Variants in PTPN2 observed in about 807,000 individuals in gnomAD.
The protein encoded by PTPN2 is tyrosine-protein phosphatase non-receptor type 2.
Under a neutral mutation model 57.3 loss-of-function variants are expected in PTPN2, and 19 were observed. That is an observed-to-expected ratio of 0.33 (90% CI 0.23 to 0.49). The LOEUF is 0.49. PTPN2 is among the 20% of genes least tolerant of loss of function. The pLI is 0.99. For synonymous variants in PTPN2, 153 were observed against 164.9 expected (o/e 0.93, Z 0.55); for missense variants, 358 against 501.1 (o/e 0.71, Z 2.73).
At chr18:12,878,928 G>T (rs2044581101) in intron 1 of PTPN2, among the ~76,000 whole-genome samples, 1 of 152,132 alleles carries the variant, frequency 6.6e-6, no homozygotes, top group African/African-American at 2.4e-5. Context: ...CCATAACATA[G>T]CTTTTGCGAT....
In PTPN2 at chr18:12,817,403, T is replaced by C. The variant is rs187636860; in HGVS notation, c.496-38A>G. The C allele has an allele frequency of 9.8e-6, 15 of 1,525,026 alleles. No individual in the cohort carries two copies. The African/African-American group carries it at 1.8e-4, about 18-fold the overall frequency. 94.5% of individuals were successfully genotyped at this position (1,525,026 alleles called of 1,614,324 possible). ...AATCAAGGGAGAAGTTAGTTCTAAC[T>C]TTTTTCTTTTAAAAAACTACTTCAG... On this transcript the variant is annotated intron_variant, in intron 5 of 8. Transcript: ENST00000309660.
intron 7 of PTPN2, among the ~76,000 whole-genome samples, chr18:12,808,292 T>C (rs934440122): frequency 1.3e-5 from 2 of 149,124 alleles, no homozygotes; most frequent in Non-Finnish European, 3.0e-5. Flanking sequence ...TACTATGAAA[T>C]ATATTAGCAC....
At chr18:12,832,858 G>A (rs1429587852) in intron 3 of PTPN2, among the ~76,000 whole-genome samples, 2 of 152,198 alleles carry the variant, frequency 1.3e-5, no homozygotes, top group Non-Finnish European at 2.9e-5. Context: ...CACGACCTCG[G>A]CTCACTGCAA....
chr18:12,795,952 T>TTC (rs60566471), intron 8 of PTPN2, among the ~76,000 whole-genome samples: 125 of 150,006 alleles, frequency 8.3e-4, no homozygotes, highest in African/African-American at 3.0e-3. Flanking sequence ...TTTTTTTTTT[T>TTC]CGTTACCGGG....
intron 2 of PTPN2, among the ~76,000 whole-genome samples, chr18:12,842,454 GA>G (rs1423493925): frequency 6.6e-6 from 1 of 152,312 alleles, no homozygotes; most frequent in East Asian, 1.9e-4. Flanking sequence ...GCGCTGGGGA[GA>G]GGGGCAGGTT....
intron 2 of PTPN2, among the ~76,000 whole-genome samples, chr18:12,847,086 A>G (rs1375174227): frequency 6.6e-6 from 1 of 152,200 alleles, no homozygotes; most frequent in African/African-American, 2.4e-5. Context: ...GGAATTCACA[A>G]TGTAATAGGA....
intron 1 of PTPN2, among the ~76,000 whole-genome samples, chr18:12,879,093 C>T (rs749546146): frequency 1.4e-4 from 22 of 152,178 alleles, no homozygotes; most frequent in Non-Finnish European, 2.4e-4. Context: ...CAGAATTAAC[C>T]TCACACAATC....
intron 1 of PTPN2, chr18:12,863,456 T>TAAAAA (rs569266426): frequency 7.2e-6 from 1 of 138,490 alleles, no homozygotes; most frequent in Non-Finnish European, 1.5e-5. Flanking sequence ...AAGGCCCTGT[T>TAAAAA]AAAAAAAAAA....
Position 12,830,936 on chromosome 18 carries a change from TACTC to T in PTPN2, c.360+3_360+6del. 6.4e-7 allele frequency: 1 copy of T among 1,560,564 alleles called. No individual in the cohort carries two copies. Among genetic ancestry groups the T allele is most frequent in the Non-Finnish European group, 8.8e-7 (1 of 1,132,736 alleles). Reference sequence around the variant, plus strand: ...ATACTAAGTTGTAAATATTAAATATTACTCACCGATTCTTTCTCCACAATGCGGT... The same window carrying T: ...ATACTAAGTTGTAAATATTAAATATTACCGATTCTTTCTCCACAATGCGGT... On this transcript the variant is annotated splice_donor_5th_base_variant and intron_variant, in intron 4 of 8. Transcript: ENST00000309660.
At chr18:12,818,770 C>G (rs924334427) in intron 5 of PTPN2, among the ~76,000 whole-genome samples, 1 of 151,612 alleles carries the variant, frequency 6.6e-6, no homozygotes, top group African/African-American at 2.4e-5. Context: ...TAAAAATTTT[C>G]AAAATTAGAA....
chr18:12,840,896 T>C (rs2043022685), intron 2 of PTPN2: 17 of 1,553,980 alleles, frequency 1.1e-5, no homozygotes, highest in South Asian at 9.3e-5. Context: ...CCATGACATA[T>C]CTTCTCTAAC....
chr18:12,823,892 C>T (rs903250461), intron 5 of PTPN2, among the ~76,000 whole-genome samples: 1 of 152,120 alleles, frequency 6.6e-6, no homozygotes, highest in African/African-American at 2.4e-5. Flanking sequence ...AAACAAAACA[C>T]AAAAATCATT....
At chr18:12,853,640 G>A (rs1053768855) in intron 2 of PTPN2, among the ~76,000 whole-genome samples, 1 of 152,158 alleles carries the variant, frequency 6.6e-6, no homozygotes, top group Non-Finnish European at 1.5e-5. Context: ...TGATTGAGAT[G>A]GGTCAGAGAG....
Position 12,793,665 on chromosome 18 carries a change from A to G in PTPN2, c.*613T>C, listed in dbSNP as rs2041053585. ...ATCAAACTTCTCTTTAGAAAAATGG[A>G]AAATGTATCCAGTACAATTCAATCG... On this transcript the variant is annotated 3_prime_UTR_variant, in exon 9 of 9. Transcript: ENST00000309660. 3 of 983,862 alleles carry G rather than the reference A, an allele frequency of 3.0e-6. No homozygotes were observed. Among genetic ancestry groups the G allele is most frequent in the Non-Finnish European group, 3.6e-6 (3 of 828,116 alleles). 60.9% of individuals were successfully genotyped at this position (983,862 alleles called of 1,614,324 possible). A position where few individuals can be genotyped will look rare whatever the true frequency, so the allele number is the denominator to read the frequency against.
intron 1 of PTPN2, among the ~76,000 whole-genome samples, chr18:12,883,404 G>C (rs1408853800): frequency 6.6e-6 from 1 of 152,216 alleles, no homozygotes; most frequent in Non-Finnish European, 1.5e-5. Context: ...AGGGTCCCGA[G>C]AGCGCTGCCC....
intron 1 of PTPN2, among the ~76,000 whole-genome samples, chr18:12,883,081 G>A (rs7238238): frequency 0.13 from 20,355 of 152,214 alleles, 2,717 homozygotes; most frequent in African/African-American, 0.34. Context: ...AGCTGAACAG[G>A]CACGATTAGG....
chr18:12,799,621 G>A (rs1008161178), intron 8 of PTPN2, among the ~76,000 whole-genome samples: 1 of 148,746 alleles, frequency 6.7e-6, no homozygotes, highest in African/African-American at 2.5e-5. Context: ...GTCTTGCTCT[G>A]TTGCCCAGTC....
chr18:12,801,757 T>G (rs956616097), intron 8 of PTPN2: 1 of 515,202 alleles, frequency 1.9e-6, no homozygotes, highest in Non-Finnish European at 3.5e-6. Context: ...TCTGTAGAGA[T>G]AAGGTCTCAC....
intron 3 of PTPN2, among the ~76,000 whole-genome samples, chr18:12,832,426 C>T (rs2042703216): frequency 6.6e-6 from 1 of 152,096 alleles, no homozygotes; most frequent in Admixed American, 6.5e-5. Context: ...TGACTAAAAG[C>T]ATCTTTAGGC....
Sources: gnomAD v4.1 joint callset for allele counts (sites outside exome capture counted in the v4.1 genomes callset) on GRCh38, gnomAD v4.1.1 for gene constraint, MANE v1.5 for transcripts, NCBI Gene and HGNC (gene_info 2026-07-23, HGNC 2026-07-21) for gene names.